Variants in CFAP299 observed in about 807,000 individuals in gnomAD.
The protein encoded by CFAP299 is cilia- and flagella-associated protein 299.
In CFAP299, 21 loss-of-function variants were observed where a neutral mutation model predicts 27.0. That is an observed-to-expected ratio of 0.78 (90% CI 0.55 to 1.12). The LOEUF (loss-of-function observed/expected upper bound fraction) is 1.12. Among genes scored for constraint, CFAP299 ranks in the 50% most tolerant of loss-of-function variants. The probability of loss-of-function intolerance (pLI) is 0.00; values close to 1 mark genes in which losing one functional copy is unlikely to be tolerated. For synonymous variants in CFAP299, 104 were observed against 98.1 expected, an observed-to-expected ratio of 1.06 and a Z score of -0.36; for missense variants, 310 against 276.6, an observed-to-expected ratio of 1.12 and a Z score of -0.86.
intron 3 of CFAP299, among the ~76,000 whole-genome samples, chr4:80,851,739 T>G (rs1407079244): frequency 6.6e-6 from 1 of 152,126 alleles, no homozygotes; most frequent in Non-Finnish European, 1.5e-5. Context: ...GGGACCATTT[T>G]CAGGGATATT....
chr4:80,848,114 G>A (rs986061829), intron 3 of CFAP299, among the ~76,000 whole-genome samples: 5 of 151,984 alleles, frequency 3.3e-5, no homozygotes, highest in Admixed American at 2.6e-4. Flanking sequence ...GGGAGGCTGA[G>A]GTAGAAGAAT....
intron 2 of CFAP299, among the ~76,000 whole-genome samples, chr4:80,520,988 T>G (rs1641900256): frequency 6.6e-6 from 1 of 152,108 alleles, no homozygotes; most frequent in East Asian, 1.9e-4. Flanking sequence ...CAAATTTGCT[T>G]TTTGCAGTGA....
chr4:80,766,392 G>A lies in CFAP299; in HGVS notation c.334-103601G>A, dbSNP rs151150192. ...AATTTGCTGTTTTTAAACAATTATC[G>A]TGTGTTTAAGATAATTAAATTTTAT... On this transcript the variant is annotated intron_variant, in intron 3 of 5. Transcript: ENST00000358105. 8.6e-3 allele frequency among the ~76,000 whole-genome samples: 1,313 copies of A among 152,182 alleles called. 14 individuals carry two copies. Among genetic ancestry groups the A allele is most frequent in the Middle Eastern group, 0.02 (6 of 294 alleles).
At chr4:80,855,960 T>C (rs1200238021) in intron 3 of CFAP299, among the ~76,000 whole-genome samples, 1 of 151,888 alleles carries the variant, frequency 6.6e-6, no homozygotes, top group East Asian at 1.9e-4. Context: ...TTTCTAGTTC[T>C]AGATCCCTGA....
At chr4:80,691,923 A>C (rs1720731134) in intron 3 of CFAP299, among the ~76,000 whole-genome samples, 1 of 152,218 alleles carries the variant, frequency 6.6e-6, no homozygotes, top group Non-Finnish European at 1.5e-5. Flanking sequence ...GAGCCAAATC[A>C]TGAGTGAACT....
chr4:80,388,051 C>G (rs1725115587), intron 2 of CFAP299: 2 of 691,346 alleles, frequency 2.9e-6, no homozygotes, highest in Non-Finnish European at 5.3e-6. Context: ...CCTGGATCTC[C>G]ACCATTCCAC....
At chr4:80,439,778 G>GCCCAGCTT (rs1728264036) in intron 2 of CFAP299, among the ~76,000 whole-genome samples, 1 of 152,170 alleles carries the variant, frequency 6.6e-6, no homozygotes, top group Admixed American at 6.5e-5. Context: ...GAGCCCAGCT[G>GCCCAGCTT]CCCAGCAAGC....
intron 2 of CFAP299, among the ~76,000 whole-genome samples, chr4:80,462,888 T>TA (rs554628084): frequency 2.6e-5 from 4 of 152,092 alleles, no homozygotes; most frequent in East Asian, 1.9e-4. Context: ...AGGGGATTTT[T>TA]AAAAAAAATC....
At chr4:80,652,682 G>T (rs533162796) in intron 3 of CFAP299, among the ~76,000 whole-genome samples, 1 of 151,940 alleles carries the variant, frequency 6.6e-6, no homozygotes, top group Non-Finnish European at 1.5e-5. Flanking sequence ...TCCCTTCCTG[G>T]TCATTTTCTC....
chr4:80,907,683 A>G (rs1327227114), intron 4 of CFAP299, among the ~76,000 whole-genome samples: 3 of 152,152 alleles, frequency 2.0e-5, no homozygotes, highest in Non-Finnish European at 4.4e-5. Flanking sequence ...CTCACTTACT[A>G]TCACAAGAAC....
At chr4:80,598,831 A>G (rs1050496166) in intron 3 of CFAP299, among the ~76,000 whole-genome samples, 5 of 152,202 alleles carry the variant, frequency 3.3e-5, no homozygotes, top group Non-Finnish European at 7.4e-5. Flanking sequence ...TTTTCAAGCA[A>G]AGAAATCGTA....
intron 4 of CFAP299, among the ~76,000 whole-genome samples, chr4:80,924,196 A>T (rs1365376626): frequency 2.0e-5 from 3 of 151,974 alleles, no homozygotes; most frequent in Non-Finnish European, 4.4e-5. Flanking sequence ...ACACTAGGCA[A>T]ATATTTTGTG....
At chr4:80,928,914 C>G (rs185923059) in intron 4 of CFAP299, among the ~76,000 whole-genome samples, 1 of 152,216 alleles carries the variant, frequency 6.6e-6, no homozygotes, top group Admixed American at 6.6e-5. Flanking sequence ...TCATAACTCT[C>G]CTTGTATGTT....
intron 3 of CFAP299, among the ~76,000 whole-genome samples, chr4:80,778,499 C>T (rs577906365): frequency 9.1e-4 from 139 of 152,232 alleles, no homozygotes; most frequent in African/African-American, 3.2e-3. Flanking sequence ...CCAAATTCTA[C>T]TGGCAGTTAA....
intron 2 of CFAP299, chr4:80,386,210 C>T (rs1724971995): frequency 3.2e-6 from 3 of 950,822 alleles, no homozygotes; most frequent in South Asian, 1.6e-5. Flanking sequence ...ATGAGCACAG[C>T]GAGCATGGCA....
intron 3 of CFAP299, among the ~76,000 whole-genome samples, chr4:80,806,667 G>T (rs1728881454): frequency 6.6e-6 from 1 of 152,144 alleles, no homozygotes; most frequent in Non-Finnish European, 1.5e-5. Context: ...ACAGAAAGTG[G>T]AACAATTAGG....
chr4:80,463,712 C>T (rs993326655), intron 2 of CFAP299, among the ~76,000 whole-genome samples: 1 of 152,058 alleles, frequency 6.6e-6, no homozygotes, highest in Non-Finnish European at 1.5e-5. Flanking sequence ...CCTTATTTAA[C>T]CATAATTTCC....
intron 2 of CFAP299, among the ~76,000 whole-genome samples, chr4:80,436,690 C>T (rs1728100133): frequency 6.6e-6 from 1 of 152,130 alleles, no homozygotes; most frequent in Admixed American, 6.5e-5. Context: ...AGGTATTAAG[C>T]TATCTTGGAA....
chr4:80,732,062 GACACACAGACACACAC>G (rs768652230), intron 3 of CFAP299, among the ~76,000 whole-genome samples: 1 of 139,354 alleles, frequency 7.2e-6, no homozygotes, highest in Admixed American at 6.9e-5. Flanking sequence ...CAGACACACA[GACACACAGACACACAC>G]ACACACACAC....
Sources: allele counts gnomAD v4.1 joint callset (sites outside exome capture counted in the v4.1 genomes callset), GRCh38; gene constraint gnomAD v4.1.1; transcripts MANE v1.5; gene names NCBI Gene and HGNC (gene_info 2026-07-23, HGNC 2026-07-21).